SOX5: variants seen among roughly 807,000 people sequenced by gnomAD.
SOX5 encodes transcription factor SOX-5.
Under a neutral mutation model 92.0 loss-of-function variants are expected in SOX5, and 9 were observed. That is an observed-to-expected ratio of 0.10 (90% CI 0.06 to 0.17). SOX5 has a LOEUF of 0.17. Among genes scored for constraint, SOX5 ranks in the 10% least tolerant of loss-of-function variants. SOX5 has a pLI of 1.00. For synonymous variants in SOX5, 344 were observed against 336.3 expected, an observed-to-expected ratio of 1.02 and a Z score of -0.25; for missense variants, 642 against 944.5, an observed-to-expected ratio of 0.68 and a Z score of 4.20.
intron 1 of SOX5, among the ~76,000 whole-genome samples, chr12:24,513,029 C>T (rs1949464412): frequency 6.6e-6 from 1 of 152,196 alleles, no homozygotes; most frequent in African/African-American, 2.4e-5. Flanking sequence ...GATCTTTTCT[C>T]ATGCTACTGA....
chr12:24,396,792 A>G (rs923897519), intron 1 of SOX5, among the ~76,000 whole-genome samples: 1 of 152,250 alleles, frequency 6.6e-6, no homozygotes, highest in Non-Finnish European at 1.5e-5. Context: ...ATTGGTGAGC[A>G]CCAAGATGCT....
intron 1 of SOX5, among the ~76,000 whole-genome samples, chr12:24,521,302 A>G (rs1950245161): frequency 2.0e-5 from 3 of 152,046 alleles, no homozygotes; most frequent in Admixed American, 1.3e-4. Context: ...TGATCTGCCC[A>G]TCTTGGCCTC....
At chr12:23,947,381 A>C (rs1016035983) in intron 1 of SOX5, among the ~76,000 whole-genome samples, 4 of 151,944 alleles carry the variant, frequency 2.6e-5, no homozygotes, top group African/African-American at 9.7e-5. Flanking sequence ...GTGATAGTTT[A>C]GTTACATCAT....
chr12:23,543,154 GA>G, intron 13 of SOX5, 56 bp downstream of exon 13: 1 of 1,444,344 alleles, frequency 6.9e-7, no homozygotes. Flanking sequence ...CACAACTGCA[GA>G]AAACAGAACA....
intron 2 of SOX5, among the ~76,000 whole-genome samples, chr12:24,334,162 A>C (rs996112066): frequency 6.6e-6 from 1 of 151,964 alleles, no homozygotes; most frequent in African/African-American, 2.4e-5. Flanking sequence ...CATTAAATTT[A>C]GAAAATTAGA....
chr12:23,551,534 C>G (rs973605799), intron 11 of SOX5, among the ~76,000 whole-genome samples: 2 of 151,878 alleles, frequency 1.3e-5, no homozygotes, highest in Non-Finnish European at 2.9e-5. Flanking sequence ...CAAATACACA[C>G]TTTCCTCTAA....
intron 3 of SOX5, among the ~76,000 whole-genome samples, chr12:23,835,881 C>T (rs537331735): frequency 2.0e-5 from 3 of 151,740 alleles, no homozygotes; most frequent in East Asian, 3.9e-4. Flanking sequence ...TCAGTTGCCT[C>T]ATCTGGAAAT....
chr12:24,441,412 G>T (rs566321335), intron 1 of SOX5, among the ~76,000 whole-genome samples: 67 of 152,212 alleles, frequency 4.4e-4, no homozygotes, highest in African/African-American at 1.5e-3. Flanking sequence ...CTCTCCTTAA[G>T]TATGTGCAAA....
At chr12:24,321,645 T>C (rs1218510676) in intron 2 of SOX5, among the ~76,000 whole-genome samples, 1 of 152,182 alleles carries the variant, frequency 6.6e-6, no homozygotes, top group Non-Finnish European at 1.5e-5. Flanking sequence ...AACAAACAAT[T>C]GCTTGGGCCA....
intron 1 of SOX5, among the ~76,000 whole-genome samples, chr12:24,511,754 CAA>C (rs1949328666): frequency 6.6e-6 from 1 of 152,068 alleles, no homozygotes; most frequent in East Asian, 1.9e-4. Context: ...GTCAGGAGAT[CAA>C]GACCATCCTG....
At chr12:24,037,313 G>C (rs1390285392) in intron 4 of SOX5, among the ~76,000 whole-genome samples, 2 of 152,138 alleles carry the variant, frequency 1.3e-5, no homozygotes, top group African/African-American at 4.8e-5. Context: ...TATGTAGACA[G>C]ACATTCACCC....
At chr12:23,628,323 G>T (rs2078098797) in intron 8 of SOX5, among the ~76,000 whole-genome samples, 1 of 151,998 alleles carries the variant, frequency 6.6e-6, no homozygotes, top group Non-Finnish European at 1.5e-5. Context: ...ACAGTATAGT[G>T]AAATTTCGGA....
intron 2 of SOX5, among the ~76,000 whole-genome samples, chr12:24,335,626 A>G (rs1029213239): frequency 6.6e-6 from 1 of 152,102 alleles, no homozygotes; most frequent in Non-Finnish European, 1.5e-5. Context: ...TAAAATGCAA[A>G]TATCCTTGGA....
chr12:23,874,539 C>T lies in SOX5; in HGVS notation c.270+21254G>A, dbSNP rs147301412. On this transcript the variant is annotated intron_variant, in intron 2 of 14. Coordinates refer to ENST00000451604, the MANE Select transcript of SOX5 (RefSeq NM_006940.6). ...TTAATGAAAACATAATAGGTTCCAT[C>T]CAGTAAAGACTTGTCATGTAATAGA... is the stretch of plus-strand genomic sequence containing the variant. Among the ~76,000 whole-genome samples the T allele has an allele frequency of 1.2e-4, 18 of 152,180 alleles. No individual in the cohort carries two copies. In the East Asian group the frequency reaches 3.3e-3, roughly 28 times the overall value.
chr12:24,509,903 TA>T (rs1949149840), intron 1 of SOX5, among the ~76,000 whole-genome samples: 1 of 152,218 alleles, frequency 6.6e-6, no homozygotes. Flanking sequence ...TTTACAGTCA[TA>T]AAGTCCAGGC....
intron 2 of SOX5, among the ~76,000 whole-genome samples, chr12:24,310,113 T>TA (rs981818778): frequency 4.2e-4 from 64 of 152,238 alleles, no homozygotes; most frequent in African/African-American, 1.3e-3. Flanking sequence ...CTTATATTGC[T>TA]AAAAAAATGG....
chr12:23,543,322 G>T lies in SOX5; in HGVS notation c.1660C>A (p.Pro554Thr), dbSNP rs1367812051. 2 of 1,613,798 alleles carry T rather than the reference G, an allele frequency of 1.2e-6. No individual in the cohort carries two copies. Among genetic ancestry groups the T allele is most frequent in the Admixed American group, 3.3e-5 (2 of 60,014 alleles). ...RESRGRGSNE[P>T]HIKRPMNAFM... is the part of the protein sequence containing the mutation. ...GCATTCATTGGACGCTTTATGTGGGGTTCATTGCTACCACGCCCTCGGGAT... is the reference window on the plus strand; with the variant it reads ...GCATTCATTGGACGCTTTATGTGGGTTTCATTGCTACCACGCCCTCGGGAT... Residue 554 changes from proline to threonine, a missense_variant, in exon 13 of 15, where the codon CCC (proline) becomes ACC (threonine). Coordinates refer to ENST00000451604, the MANE Select transcript of SOX5 (RefSeq NM_006940.6).
intron 1 of SOX5, among the ~76,000 whole-genome samples, chr12:24,409,777 T>G (rs554610719): frequency 3.3e-4 from 50 of 152,344 alleles, no homozygotes; most frequent in Admixed American, 3.1e-3. Flanking sequence ...TTTACGTGCT[T>G]AGCTGCTATC....
chr12:23,958,336 C>A (rs1488455728), intron 4 of SOX5, among the ~76,000 whole-genome samples: 1 of 151,814 alleles, frequency 6.6e-6, no homozygotes, highest in Admixed American at 6.6e-5. Flanking sequence ...TTTTTTCTGA[C>A]CATCTTTTCT....
Sources: allele counts gnomAD v4.1 joint callset (sites outside exome capture counted in the v4.1 genomes callset), GRCh38; gene constraint gnomAD v4.1.1; transcripts MANE v1.5; gene names NCBI Gene and HGNC (gene_info 2026-07-23, HGNC 2026-07-21).